Variants in CLASP1 observed in about 807,000 individuals in gnomAD.
CLASP1 encodes the protein CLIP-associating protein 1.
CLASP1 carries 38 observed loss-of-function variants against 192.3 expected under a neutral mutation model. The observed-to-expected ratio is 0.20, with a 90% confidence interval of 0.15 to 0.26. The LOEUF is 0.26. CLASP1 is among the 10% of genes least tolerant of loss of function. The pLI is 1.00. For missense variants in CLASP1, 1,433 were observed against 1,932.5 expected, an observed-to-expected ratio of 0.74 and a Z score of 4.85; for synonymous variants, 691 against 712.8, an observed-to-expected ratio of 0.97 and a Z score of 0.49.
At chr2:121,529,566 T>G (rs1452663792) in intron 3 of CLASP1, among the ~76,000 whole-genome samples, 1 of 152,226 alleles carries the variant, frequency 6.6e-6, no homozygotes, top group African/African-American at 2.4e-5. Flanking sequence ...AATGGTTGCA[T>G]AGAGATGCTT....
Position 121,626,418 on chromosome 2 carries a change from C to T in CLASP1, c.-285-20238G>A, listed in dbSNP as rs72956529. Among the ~76,000 whole-genome samples the T allele has an allele frequency of 4.5e-3, 679 of 152,296 alleles. 4 individuals are homozygous for T. Among genetic ancestry groups the T allele is most frequent in the African/African-American group, 0.015 (640 of 41,546 alleles). On this transcript the variant is annotated intron_variant, in intron 1 of 39. Transcript: ENST00000263710. ...TACTTCATATTTGAAGCAGTACCTT[C>T]CAATGTATTAAGTTATCATACAAAT...
chr2:121,451,225 T>C (rs1206009445), intron 15 of CLASP1, among the ~76,000 whole-genome samples: 1 of 152,244 alleles, frequency 6.6e-6, no homozygotes, highest in Non-Finnish European at 1.5e-5. Flanking sequence ...CTAAGGACTT[T>C]GATAACCCTA....
chr2:121,483,595 C>T (rs550734050), intron 8 of CLASP1, among the ~76,000 whole-genome samples: 115 of 151,184 alleles, frequency 7.6e-4, no homozygotes, highest in African/African-American at 2.5e-3. Context: ...TACATATATA[C>T]ACACACACAA....
In CLASP1 at chr2:121,367,286, C is replaced by G. The variant is rs537862554; in HGVS notation, c.3886+302G>C. ...CTGGGCCCTGGGTTCTACAGCAAAA[C>G]CTTCCTGATGGTAGAGTTGGCCTTC... On this transcript the variant is annotated intron_variant, in intron 35 of 39. Coordinates refer to ENST00000263710, the Ensembl canonical transcript of CLASP1. Among the ~76,000 whole-genome samples the G allele has an allele frequency of 2.0e-5, 3 of 152,338 alleles. No individual in the cohort carries two copies. In the South Asian group the frequency reaches 6.2e-4, roughly 32 times the overall value.
intron 19 of CLASP1, among the ~76,000 whole-genome samples, chr2:121,442,450 G>A (rs1438691495): frequency 1.3e-5 from 2 of 151,636 alleles, no homozygotes; most frequent in African/African-American, 2.4e-5. Flanking sequence ...AAAATTGCCA[G>A]TAAACTCAAA....
At chr2:121,550,996 G>A (rs1475471506) in intron 2 of CLASP1, among the ~76,000 whole-genome samples, 1 of 152,042 alleles carries the variant, frequency 6.6e-6, no homozygotes, top group Non-Finnish European at 1.5e-5. Flanking sequence ...CCAAATCCAG[G>A]AGCACATCAA....
At chr2:121,484,632 G>C (rs1350360121) in intron 8 of CLASP1, among the ~76,000 whole-genome samples, 1 of 152,196 alleles carries the variant, frequency 6.6e-6, no homozygotes, top group East Asian at 1.9e-4. Context: ...CTTGATGGCA[G>C]TGGGAGGAAA....
intron 1 of CLASP1, among the ~76,000 whole-genome samples, chr2:121,635,220 AAG>A (rs202040189): frequency 0.012 from 1,835 of 148,204 alleles, 43 homozygotes; most frequent in East Asian, 0.084. Context: ...AAAAAAAAAA[AAG>A]AAAAGAAAAG....
intron 1 of CLASP1, among the ~76,000 whole-genome samples, chr2:121,648,665 C>G (rs781684636): frequency 6.6e-6 from 1 of 152,236 alleles, no homozygotes; most frequent in Non-Finnish European, 1.5e-5. Context: ...ATCACACACT[C>G]ATCTTCGTCA....
At chr2:121,500,419 AAAG>A (rs2093714591) in intron 8 of CLASP1, among the ~76,000 whole-genome samples, 1 of 151,274 alleles carries the variant, frequency 6.6e-6, no homozygotes, top group African/African-American at 2.4e-5. Context: ...GAAAGAAAAA[AAAG>A]AAAAGAGAAA....
chr2:121,537,514 C>T (rs1044319007), intron 2 of CLASP1, among the ~76,000 whole-genome samples: 1 of 152,170 alleles, frequency 6.6e-6, no homozygotes, highest in African/African-American at 2.4e-5. Context: ...GTGTATCACA[C>T]CACACTAAGG....
intron 19 of CLASP1, among the ~76,000 whole-genome samples, chr2:121,431,256 T>C (rs1255073942): frequency 3.3e-5 from 5 of 152,216 alleles, no homozygotes; most frequent in African/African-American, 9.6e-5. Flanking sequence ...TCAATGACTT[T>C]TCAGTTTAAG....
chr2:121,531,073 TGTG>T (rs2094830407), intron 2 of CLASP1: 4 of 690,420 alleles, frequency 5.8e-6, no homozygotes. Flanking sequence ...ACTAGTACTT[TGTG>T]GTTAAACCAG....
intron 1 of CLASP1, among the ~76,000 whole-genome samples, chr2:121,626,132 T>C (rs1312480111): frequency 6.6e-6 from 1 of 151,154 alleles, no homozygotes; most frequent in Non-Finnish European, 1.5e-5. Flanking sequence ...GGACATCTGA[T>C]ATGTCATTTG....
At chr2:121,341,643 T>C (rs2062799904) in intron 39 of CLASP1, among the ~76,000 whole-genome samples, 1 of 152,184 alleles carries the variant, frequency 6.6e-6, no homozygotes, top group African/African-American at 2.4e-5. Flanking sequence ...GCTATACTAA[T>C]ATCAGACAAA....
intron 2 of CLASP1, among the ~76,000 whole-genome samples, chr2:121,567,851 A>G (rs969666972): frequency 3.9e-5 from 6 of 152,184 alleles, no homozygotes; most frequent in African/African-American, 1.4e-4. Context: ...ATACAAATAC[A>G]CGATATCAGA....
intron 2 of CLASP1, chr2:121,603,152 C>T (rs564446133): frequency 6.6e-5 from 10 of 151,492 alleles, no homozygotes; most frequent in African/African-American, 2.4e-4. Flanking sequence ...AACTCATTAC[C>T]ATTGGACCAG....
chr2:121,380,986 A>T (rs1380726700), intron 33 of CLASP1, among the ~76,000 whole-genome samples: 1 of 152,170 alleles, frequency 6.6e-6, no homozygotes, highest in Non-Finnish European at 1.5e-5. Flanking sequence ...GAGATAGTCA[A>T]CCAACTGATC....
intron 1 of CLASP1, among the ~76,000 whole-genome samples, chr2:121,623,522 G>A (rs920851826): frequency 6.6e-6 from 1 of 152,100 alleles, no homozygotes; most frequent in African/African-American, 2.4e-5. Context: ...GCCTGGTTTT[G>A]GTATCAGCCT....
Sources: allele counts gnomAD v4.1 joint callset (sites outside exome capture counted in the v4.1 genomes callset), GRCh38; gene constraint gnomAD v4.1.1; transcripts MANE v1.5; gene names NCBI Gene and HGNC (gene_info 2026-07-23, HGNC 2026-07-21).